The following SERPINA9 variants were observed in gnomAD, a reference collection of about 807,000 sequenced individuals.
SERPINA9 encodes serpin family A member 9.
Under a neutral mutation model 24.5 loss-of-function variants are expected in SERPINA9, and 32 were observed. That is an observed-to-expected ratio of 1.30 (90% CI 0.98 to 1.75). SERPINA9 has a LOEUF of 1.75. Among genes scored for constraint, SERPINA9 ranks in the 40% most tolerant of loss-of-function variants. The pLI is 0.00. For missense variants in SERPINA9, 594 were observed against 497.1 expected (o/e 1.19, Z -1.85); for synonymous variants, 233 against 197.7 (o/e 1.18, Z -1.50).
chr14:94,476,191 C>G lies in SERPINA9; in HGVS notation c.-73G>C, dbSNP rs116826044. 2.3e-3 allele frequency: 3,677 copies of G among 1,614,150 alleles called. 84 individuals are homozygous for G. The African/African-American group carries it at 0.043, about 19-fold the overall frequency. On this transcript the variant is annotated 5_prime_UTR_variant, in exon 1 of 5. Coordinates refer to ENST00000674397, the MANE Select transcript of SERPINA9 (RefSeq NM_175739.4). ...CTTGCATGGTTGGTGAGCCCTGACA[C>G]TTGCTTACTTGGTTGTAGCTCTCTC...
intron 1 of SERPINA9, among the ~76,000 whole-genome samples, chr14:94,475,596 C>A (rs1899571722): frequency 1.3e-5 from 2 of 152,092 alleles, no homozygotes; most frequent in Admixed American, 6.5e-5. Flanking sequence ...TCCCCTACAC[C>A]TCCACTCCAC....
intron 2 of SERPINA9, among the ~76,000 whole-genome samples, chr14:94,468,251 T>C (rs1294004157): frequency 2.0e-5 from 3 of 152,162 alleles, no homozygotes; most frequent in African/African-American, 7.2e-5. Context: ...GATAGCTTGG[T>C]GAATGGGTAG....
chr14:94,469,186 A>G (rs367921219), intron 2 of SERPINA9, 27 bp downstream of exon 2: 3 of 1,579,098 alleles, frequency 1.9e-6, no homozygotes, highest in East Asian at 2.2e-5. Context: ...AAATAAATAA[A>G]TAAAAATCAA....
At chr14:94,473,159 G>A (rs1899405955) in intron 1 of SERPINA9, among the ~76,000 whole-genome samples, 1 of 152,180 alleles carries the variant, frequency 6.6e-6, no homozygotes, top group Non-Finnish European at 1.5e-5. Context: ...GCACGGAAAA[G>A]TGCCCAATGT....
intron 1 of SERPINA9, 55 bp downstream of exon 1, chr14:94,476,081 C>A: frequency 6.2e-7 from 1 of 1,613,274 alleles, no homozygotes; most frequent in Non-Finnish European, 8.5e-7. Context: ...CCAGTCCTTC[C>A]CTCTGGCTCA....
At chr14:94,470,939 A>G (rs1395461621) in intron 1 of SERPINA9, among the ~76,000 whole-genome samples, 2 of 152,202 alleles carry the variant, frequency 1.3e-5, no homozygotes, top group East Asian at 1.9e-4. Context: ...GTAAGTGGTC[A>G]TTTTAGAGAA....
intron 1 of SERPINA9, among the ~76,000 whole-genome samples, chr14:94,473,189 G>T (rs1197862202): frequency 1.3e-5 from 2 of 152,178 alleles, no homozygotes; most frequent in African/African-American, 4.8e-5. Flanking sequence ...GTAGACACTT[G>T]GTGTGCTGCC....
At chr14:94,467,405 G>C (rs1415038846) in intron 2 of SERPINA9, 23 bp from the exon 3 acceptor site, 1 of 1,572,500 alleles carries the variant, frequency 6.4e-7, no homozygotes, top group Admixed American at 1.8e-5. Context: ...GAGAAAAGAA[G>C]TCTTTATGTC....
At chr14:94,471,155 C>G (rs926979712) in intron 1 of SERPINA9, among the ~76,000 whole-genome samples, 3 of 150,272 alleles carry the variant, frequency 2.0e-5, no homozygotes, top group African/African-American at 7.4e-5. Context: ...CCCCCTTGCC[C>G]TTCATCAGAC....
chr14:94,467,372 C>T lies in SERPINA9; in HGVS notation c.639G>A (p.Glu213=), dbSNP rs6575433. ...TTGTATATTCAGGGTGAAAGGGCTT[C>T]TCCCACTTGGCTAGCACAAAGAGAG... ...VNHIFFKAKW[E]KPFHPEYTRK... is the part of the protein sequence containing the mutation. Residue 213 remains glutamate, a synonymous_variant, in exon 3 of 5, where the codon GAG becomes GAA. Transcript: ENST00000674397. The T allele has an allele frequency of 0.5, 795,638 of 1,605,010 alleles. 203,689 individuals are homozygous for T. Among genetic ancestry groups the T allele is most frequent in the Middle Eastern group, 0.54 (3,250 of 6,034 alleles).
chr14:94,471,841 G>A (rs1372890543), intron 1 of SERPINA9, among the ~76,000 whole-genome samples: 2 of 151,738 alleles, frequency 1.3e-5, no homozygotes, highest in South Asian at 4.2e-4. Context: ...TCCCCACATC[G>A]TTCTTCCTCC....
At chr14:94,468,196 G>T in intron 2 of SERPINA9, among the ~76,000 whole-genome samples, 1 of 152,166 alleles carries the variant, frequency 6.6e-6, no homozygotes, top group Non-Finnish European at 1.5e-5. Flanking sequence ...GTGGATGAAT[G>T]GATGCATGGA....
At chr14:94,475,782 A>T (rs1899598752) in intron 1 of SERPINA9, 1 of 370,214 alleles carries the variant, frequency 2.7e-6, no homozygotes, top group Middle Eastern at 7.3e-4. Context: ...GCTCGTTAAG[A>T]CAAAGAAACC....
Position 94,463,034 on chromosome 14 carries a change from G to A in SERPINA9, c.*59C>T. The A allele has an allele frequency of 1.4e-6, 2 of 1,396,062 alleles. No homozygotes were observed. The highest frequency in any genetic ancestry group is 1.4e-5 in the African/African-American group (1 of 70,930). 86.5% of individuals were successfully genotyped at this position (1,396,062 alleles called of 1,614,324 possible). ...GCACCCTCAGAACAGAAAGAGGGATGTGGTTTGTTATTTCTTGTGCATTAG... is the reference window on the plus strand; with the variant it reads ...GCACCCTCAGAACAGAAAGAGGGATATGGTTTGTTATTTCTTGTGCATTAG... On this transcript the variant is annotated 3_prime_UTR_variant, in exon 5 of 5. Coordinates refer to ENST00000674397, the MANE Select transcript of SERPINA9 (RefSeq NM_175739.4).
rs116711673 is a variant in SERPINA9 at position 94,467,883 on chromosome 14, A to G, written c.629-501T>C. Among the ~76,000 whole-genome samples the G allele has an allele frequency of 7.7e-3, 1,154 of 150,830 alleles. 11 individuals are homozygous for G. The highest frequency in any genetic ancestry group is 0.031 in the Middle Eastern group (9 of 290). On this transcript the variant is annotated intron_variant, in intron 2 of 4. Coordinates refer to ENST00000674397, the MANE Select transcript of SERPINA9 (RefSeq NM_175739.4). The stretch of plus-strand genomic sequence containing the variant: ...TTAGTGGATAGGTGGTTGGCTAGCT[A>G]GATGGCTAGCTAGGTGGATGAATGG...
chr14:94,473,558 C>A (rs1452214378), intron 1 of SERPINA9, among the ~76,000 whole-genome samples: 1 of 146,920 alleles, frequency 6.8e-6, no homozygotes, highest in Non-Finnish European at 1.5e-5. Flanking sequence ...CAACAAAAAA[C>A]CAGGGAGGTG....
intron 1 of SERPINA9, among the ~76,000 whole-genome samples, chr14:94,475,330 C>T (rs1038241894): frequency 1.3e-5 from 2 of 152,110 alleles, no homozygotes; most frequent in Admixed American, 1.3e-4. Context: ...AAAGCTTCAC[C>T]TTTTCCATGT....
In SERPINA9 at chr14:94,464,715, C is replaced by A. The variant is rs77274019; in HGVS notation, c.1042G>T (p.Val348Phe). 29 of 1,612,274 alleles carry A rather than the reference C, an allele frequency of 1.8e-5. No individual in the cohort carries two copies. The highest frequency in any genetic ancestry group is 1.5e-4 in the Admixed American group (9 of 59,678). ...SGIAKRDSLQ[V>F]SKATHKAVLD... ...ATTTTCATTCAACTCACTTTAGAAA[C>A]CTGCAGGGAGTCTCTCTTTGCAATT... Residue 348 changes from valine to phenylalanine, a missense_variant, in exon 4 of 5, where the codon GTT becomes TTT. Transcript: ENST00000674397.
chr14:94,471,907 A>C (rs183617361), intron 1 of SERPINA9, among the ~76,000 whole-genome samples: 2 of 151,870 alleles, frequency 1.3e-5, no homozygotes, highest in Middle Eastern at 3.4e-3. Flanking sequence ...CCTTGGTCCA[A>C]ACCCTCCTTA....
Sources: gnomAD v4.1 joint callset for allele counts (sites outside exome capture counted in the v4.1 genomes callset) on GRCh38, gnomAD v4.1.1 for gene constraint, MANE v1.5 for transcripts, NCBI Gene and HGNC (gene_info 2026-07-23, HGNC 2026-07-21) for gene names.